The following RIMS2 variants were observed in gnomAD, a reference collection of about 807,000 sequenced individuals.
RIMS2 encodes regulating synaptic membrane exocytosis 2, also known as regulating synaptic membrane exocytosis protein 2.
Under a neutral mutation model 174.4 loss-of-function variants are expected in RIMS2, and 59 were observed. The observed-to-expected ratio is 0.34, with a 90% CI of 0.27 to 0.42. RIMS2 has a LOEUF of 0.42. Among genes scored for constraint, RIMS2 ranks in the 10% least tolerant of loss-of-function variants. The pLI is 1.00. For synonymous variants in RIMS2, 606 were observed against 572.5 expected (o/e 1.06, Z -0.84); for missense variants, 1,620 against 1,666.3 (o/e 0.97, Z 0.48).
intron 19 of RIMS2, among the ~76,000 whole-genome samples, chr8:104,146,873 T>C (rs1213400453): frequency 6.6e-6 from 1 of 152,138 alleles, no homozygotes; most frequent in East Asian, 1.9e-4. Context: ...ATTTTTTACT[T>C]TTTTGTAAAG....
chr8:103,800,436 T>C (rs1438655346), intron 3 of RIMS2, among the ~76,000 whole-genome samples: 1 of 152,182 alleles, frequency 6.6e-6, no homozygotes, highest in Non-Finnish European at 1.5e-5. Flanking sequence ...TTTGAGTCTT[T>C]CACAATCAAA....
chr8:104,208,954 T>C (rs1458782366), intron 19 of RIMS2, among the ~76,000 whole-genome samples: 2 of 152,200 alleles, frequency 1.3e-5, no homozygotes, highest in African/African-American at 4.8e-5. Context: ...TAATACAGTC[T>C]AGAAGATAAA....
chr8:104,095,388 C>A (rs1358613192), intron 19 of RIMS2, among the ~76,000 whole-genome samples: 4 of 152,018 alleles, frequency 2.6e-5, no homozygotes, highest in Non-Finnish European at 4.4e-5. Flanking sequence ...TATTAGAAGG[C>A]AAGTGTTGGT....
At chr8:103,703,258 G>T (rs896026192) in intron 2 of RIMS2, among the ~76,000 whole-genome samples, 5 of 151,942 alleles carry the variant, frequency 3.3e-5, no homozygotes, top group Non-Finnish European at 5.9e-5. Flanking sequence ...TTGTTTTTAA[G>T]ACAAAGTCTT....
rs2099223957 is a variant in RIMS2, at chr8:103,888,830, T to C, written c.1624+2607T>C. On this transcript the variant is annotated intron_variant, in intron 4 of 23. Coordinates refer to ENST00000504942, the Ensembl canonical transcript of RIMS2. ...TTTATTCCAAAACTTGAACTTCTAATAGACGCTCTTGAAGATAGGCCTCTG... is the reference window on the plus strand; with the variant it reads ...TTTATTCCAAAACTTGAACTTCTAACAGACGCTCTTGAAGATAGGCCTCTG... Among the ~76,000 whole-genome samples, 6 of 151,766 alleles carry C rather than the reference T, an allele frequency of 4.0e-5. No homozygotes were observed. The South Asian group carries it at 1.0e-3, about 26-fold the overall frequency.
intron 19 of RIMS2, among the ~76,000 whole-genome samples, chr8:104,166,259 G>A (rs1245651178): frequency 1.3e-5 from 2 of 151,342 alleles, no homozygotes; most frequent in Non-Finnish European, 3.0e-5. Context: ...GTAGAGGCGG[G>A]GTTTCACTGT....
chr8:103,786,064 G>T (rs1204069517), intron 3 of RIMS2, among the ~76,000 whole-genome samples: 1 of 152,074 alleles, frequency 6.6e-6, no homozygotes, highest in Non-Finnish European at 1.5e-5. Flanking sequence ...GCGTAGAGTT[G>T]TTTGTAGTAT....
At chr8:103,523,566 A>T (rs1051269404) in intron 1 of RIMS2, among the ~76,000 whole-genome samples, 1 of 152,162 alleles carries the variant, frequency 6.6e-6, no homozygotes, top group African/African-American at 2.4e-5. Context: ...ATTTGGCTTT[A>T]TTCTAATTAT....
chr8:104,157,283 A>G (rs1167168577), intron 19 of RIMS2, among the ~76,000 whole-genome samples: 1 of 152,230 alleles, frequency 6.6e-6, no homozygotes, highest in Non-Finnish European at 1.5e-5. Flanking sequence ...TAGCTAAGAA[A>G]GATAGTTTTA....
At chr8:103,662,507 T>C (rs1193223904) in intron 1 of RIMS2, among the ~76,000 whole-genome samples, 1 of 152,194 alleles carries the variant, frequency 6.6e-6, no homozygotes, top group Non-Finnish European at 1.5e-5. Flanking sequence ...AGAAGTACTT[T>C]TTTTGTTCAA....
At chr8:103,593,599 A>T (rs1333721348) in intron 1 of RIMS2, among the ~76,000 whole-genome samples, 1 of 151,518 alleles carries the variant, frequency 6.6e-6, no homozygotes, top group Non-Finnish European at 1.5e-5. Flanking sequence ...CAACCAAAGC[A>T]ATATATTAGG....
chr8:103,897,219 T>G (rs2099288877), intron 4 of RIMS2, among the ~76,000 whole-genome samples: 1 of 151,728 alleles, frequency 6.6e-6, no homozygotes, highest in South Asian at 2.1e-4. Context: ...CATGGCACCT[T>G]CTTTTTCTAC....
At chr8:103,972,964 C>T (rs1199053111) in intron 15 of RIMS2, among the ~76,000 whole-genome samples, 3 of 152,144 alleles carry the variant, frequency 2.0e-5, no homozygotes, top group East Asian at 1.9e-4. Context: ...ATTTCAAATG[C>T]TCAGTAGTCA....
chr8:103,801,784 G>C (rs1343922415), intron 3 of RIMS2, among the ~76,000 whole-genome samples: 1 of 152,080 alleles, frequency 6.6e-6, no homozygotes, highest in Non-Finnish European at 1.5e-5. Context: ...TCCATTTCCT[G>C]TAGGGCATGA....
intron 1 of RIMS2, among the ~76,000 whole-genome samples, chr8:103,646,198 G>T (rs1344398186): frequency 6.6e-6 from 1 of 152,088 alleles, no homozygotes; most frequent in Admixed American, 6.6e-5. Flanking sequence ...GCAGGAACTG[G>T]CCATCTGGAT....
At chr8:103,527,793 A>G (rs1201576465) in intron 1 of RIMS2, among the ~76,000 whole-genome samples, 3 of 152,184 alleles carry the variant, frequency 2.0e-5, no homozygotes, top group Non-Finnish European at 4.4e-5. Flanking sequence ...TCTATCAGTG[A>G]TGGACATTTG....
At chr8:103,560,103 C>T (rs551990641) in intron 1 of RIMS2, among the ~76,000 whole-genome samples, 4 of 152,294 alleles carry the variant, frequency 2.6e-5, no homozygotes, top group South Asian at 2.1e-4. Context: ...CAAGTGTTTA[C>T]GGTGTAAACA....
At chr8:103,556,991 A>G (rs543827924) in intron 1 of RIMS2, among the ~76,000 whole-genome samples, 40 of 152,306 alleles carry the variant, frequency 2.6e-4, no homozygotes, top group Non-Finnish European at 4.6e-4. Flanking sequence ...AGGAAAGATA[A>G]TTTTAGAATA....
intron 19 of RIMS2, among the ~76,000 whole-genome samples, chr8:104,019,106 G>T (rs2154554674): frequency 6.6e-6 from 1 of 152,138 alleles, no homozygotes; most frequent in East Asian, 1.9e-4. Context: ...ACTGAAGCAG[G>T]AGAGTCACTT....
Sources: gnomAD v4.1 joint callset for allele counts (sites outside exome capture counted in the v4.1 genomes callset) on GRCh38, gnomAD v4.1.1 for gene constraint, MANE v1.5 for transcripts, NCBI Gene and HGNC (gene_info 2026-07-23, HGNC 2026-07-21) for gene names.